Variants in FAM13C observed in about 807,000 individuals in gnomAD.
FAM13C encodes protein FAM13C.
Under a neutral mutation model 73.2 loss-of-function variants are expected in FAM13C, and 37 were observed. That is an observed-to-expected ratio of 0.51 (90% CI 0.39 to 0.67). FAM13C has a LOEUF of 0.67. Ranked by LOEUF, FAM13C falls within the 30% of genes least tolerant of loss-of-function variation. The pLI, the probability that FAM13C is intolerant of heterozygous loss-of-function variation, is 0.00. For synonymous variants in FAM13C, 246 were observed against 260.9 expected (o/e 0.94, Z 0.55); for missense variants, 589 against 715.6 (o/e 0.82, Z 2.02).
At chr10:59,291,116 G>A (rs1407320842) in intron 5 of FAM13C, among the ~76,000 whole-genome samples, 2 of 152,060 alleles carry the variant, frequency 1.3e-5, no homozygotes, top group Non-Finnish European at 2.9e-5. Flanking sequence ...ACTTGCCCCA[G>A]GGCCAGAAGC....
intron 10 of FAM13C, among the ~76,000 whole-genome samples, chr10:59,258,487 AAATTT>A (rs1393360036): frequency 2.6e-5 from 4 of 152,286 alleles, no homozygotes; most frequent in South Asian, 2.1e-4. Flanking sequence ...TGTCTCTAAA[AAATTT>A]AAAATAAAAA....
At chr10:59,269,135 C>T (rs1436834594) in intron 7 of FAM13C, among the ~76,000 whole-genome samples, 1 of 151,708 alleles carries the variant, frequency 6.6e-6, no homozygotes. Flanking sequence ...TTGCATACAC[C>T]CCCTCACATA....
chr10:59,324,883 C>T (rs1446360576), intron 3 of FAM13C, among the ~76,000 whole-genome samples: 1 of 151,484 alleles, frequency 6.6e-6, no homozygotes, highest in African/African-American at 2.5e-5. Flanking sequence ...AAACACTCTA[C>T]AGAATAAACA....
At chr10:59,299,091 A>G (rs952172318) in intron 5 of FAM13C, among the ~76,000 whole-genome samples, 1 of 152,136 alleles carries the variant, frequency 6.6e-6, no homozygotes, top group African/African-American at 2.4e-5. Context: ...TATATTGTAT[A>G]TTAGCTGAAA....
At chr10:59,343,860 G>T (rs1853849167) in intron 3 of FAM13C, among the ~76,000 whole-genome samples, 1 of 152,004 alleles carries the variant, frequency 6.6e-6, no homozygotes, top group African/African-American at 2.4e-5. Context: ...GCAGAGTTCA[G>T]CCTAGCCCAC....
At chr10:59,268,815 T>A (rs1843376989) in intron 7 of FAM13C, 124 bp from the exon 8 acceptor site, 1 of 1,141,484 alleles carries the variant, frequency 8.8e-7, no homozygotes, top group East Asian at 2.6e-5. Flanking sequence ...CATTATTTGA[T>A]GAGGCCACCA....
chr10:59,357,253 G>A (rs1855839508), intron 1 of FAM13C, among the ~76,000 whole-genome samples: 1 of 152,082 alleles, frequency 6.6e-6, no homozygotes, highest in Non-Finnish European at 1.5e-5. Context: ...CACATGCCAA[G>A]TTCCTACTTT....
At chr10:59,290,558 T>C (rs1027491287) in intron 5 of FAM13C, among the ~76,000 whole-genome samples, 2 of 152,112 alleles carry the variant, frequency 1.3e-5, no homozygotes, top group Admixed American at 6.5e-5. Flanking sequence ...TGCCCCCTCC[T>C]CCTCAGACCC....
Position 59,270,103 on chromosome 10 carries a change from G to T in FAM13C, c.599C>A (p.Ser200Ter). The T allele has an allele frequency of 6.2e-7, 1 of 1,612,676 alleles. No individual in the cohort carries two copies. The highest frequency in any genetic ancestry group is 8.5e-7 in the Non-Finnish European group (1 of 1,179,644). ...LADGTDSADP[S>*]PVHKDGQNEA... ...ATTCTGCCCATCTTTGTGGACTGGT[G>T]AGGGGTCTGGGCAAATGAGACAAAT... is the stretch of plus-strand genomic sequence containing the variant. Residue 200 changes from serine (S) to a stop codon, truncating the protein, a stop_gained, in exon 7 of 14, where the codon TCA becomes TAA. Coordinates refer to ENST00000618804, the MANE Select transcript of FAM13C (RefSeq NM_198215.4). LOFTEE classifies it high-confidence loss of function.
chr10:59,315,702 G>A (rs1345671290), intron 4 of FAM13C, among the ~76,000 whole-genome samples: 1 of 152,146 alleles, frequency 6.6e-6, no homozygotes, highest in African/African-American at 2.4e-5. Context: ...AGCACAATGT[G>A]AACTAGAACA....
intron 13 of FAM13C, among the ~76,000 whole-genome samples, chr10:59,250,683 T>C (rs144943690): frequency 6.6e-6 from 1 of 152,302 alleles, no homozygotes; most frequent in Non-Finnish European, 1.5e-5. Context: ...TGGAGAGGAA[T>C]ACAGAGGAGC....
At chr10:59,268,530 A>G (rs1243048668) in intron 8 of FAM13C, 23 bp downstream of exon 8, 2 of 1,612,882 alleles carry the variant, frequency 1.2e-6, no homozygotes, top group East Asian at 2.2e-5. Flanking sequence ...ATCCGCTCCT[A>G]TGTCAAACCC....
At chr10:59,321,223 C>A (rs1422711394) in intron 4 of FAM13C, among the ~76,000 whole-genome samples, 1 of 151,998 alleles carries the variant, frequency 6.6e-6, no homozygotes, top group African/African-American at 2.4e-5. Context: ...TCACATGAAT[C>A]CTTAAAATCA....
At chr10:59,329,605 T>G (rs1288996963) in intron 3 of FAM13C, among the ~76,000 whole-genome samples, 1 of 152,036 alleles carries the variant, frequency 6.6e-6, no homozygotes, top group Non-Finnish European at 1.5e-5. Context: ...GTGATCCACC[T>G]GCCTTGGCCC....
chr10:59,277,397 C>T (rs1341134258), intron 6 of FAM13C, among the ~76,000 whole-genome samples: 1 of 152,174 alleles, frequency 6.6e-6, no homozygotes. Flanking sequence ...TGTAGATTCA[C>T]ATGCTGCTGT....
rs61116802 is a variant in FAM13C at position 59,268,226 on chromosome 10, AAAG to A, written c.942+324_942+326del. On this transcript the variant is annotated intron_variant, in intron 8 of 13. Coordinates refer to ENST00000618804, the MANE Select transcript of FAM13C (RefSeq NM_198215.4). ...AAAGTGAAAAAAAAAGAAAAAAGAA[AAAG>A]AAGAAGAAGAAGAAGAAGAAGACCA... 2.2e-3 allele frequency among the ~76,000 whole-genome samples: 334 copies of A among 151,200 alleles called. 1 individual carries two copies. Among genetic ancestry groups the A allele is most frequent in the Non-Finnish European group, 2.2e-3 (148 of 67,888 alleles).
rs1361357555 is a variant in FAM13C at position 59,270,077 on chromosome 10, C to T, written c.625G>A (p.Glu209Lys). ...AGGTCTTCTGGTGCACTGTCGGCCT[C>T]ATTCTGCCCATCTTTGTGGACTGGT... ...PSPVHKDGQN[E>K]ADSAPEDLHS... Residue 209 changes from glutamate (E) to lysine (K), a missense_variant, in exon 7 of 14, where the codon GAG becomes AAG. Transcript: ENST00000618804. 1 of 1,613,404 alleles carries T rather than the reference C, an allele frequency of 6.2e-7. No homozygotes were observed.
At chr10:59,299,596 T>A (rs1235179327) in intron 5 of FAM13C, among the ~76,000 whole-genome samples, 1 of 152,040 alleles carries the variant, frequency 6.6e-6, no homozygotes, top group Non-Finnish European at 1.5e-5. Context: ...AAGCAAGGAA[T>A]GTGATCTACA....
chr10:59,349,627 G>A (rs1417452161), intron 3 of FAM13C, among the ~76,000 whole-genome samples: 1 of 152,090 alleles, frequency 6.6e-6, no homozygotes, highest in South Asian at 2.1e-4. Flanking sequence ...GCAGGGCGTG[G>A]TGGCACATGC....
Sources: allele counts gnomAD v4.1 joint callset (sites outside exome capture counted in the v4.1 genomes callset), GRCh38; gene constraint gnomAD v4.1.1; transcripts MANE v1.5; gene names NCBI Gene and HGNC (gene_info 2026-07-23, HGNC 2026-07-21).